Variants in LRP1B observed in about 807,000 individuals in gnomAD.
LRP1B encodes the protein LDL receptor related protein 1B.
In LRP1B, 217 loss-of-function variants were observed where a neutral mutation model predicts 556.6. The ratio of observed to expected loss-of-function variants is 0.39; its 90% confidence interval spans 0.35 to 0.44. The LOEUF is 0.44. LRP1B is among the 20% of genes least tolerant of loss of function. LRP1B has a pLI of 1.00. For synonymous variants in LRP1B, 2,047 were observed against 1,865.8 expected (o/e 1.10, Z -2.50); for missense variants, 5,053 against 5,620.8 (o/e 0.90, Z 3.23).
chr2:141,519,359 TGATATATATATATA>T (rs1231833984), intron 2 of LRP1B, among the ~76,000 whole-genome samples: 1 of 57,302 alleles, frequency 1.7e-5, no homozygotes, highest in Admixed American at 2.8e-4. Flanking sequence ...CTTAAGTCAA[TGATATATATATATA>T]TATATATATA....
rs1005838909 is a variant in LRP1B at position 140,360,678 on chromosome 2, G to C, written c.11132-1732C>G. Among the ~76,000 whole-genome samples, 4 of 151,534 alleles carry C rather than the reference G, an allele frequency of 2.6e-5. No individual in the cohort carries two copies. In the East Asian group the frequency reaches 7.8e-4, roughly 30 times the overall value. Reference sequence around the variant, plus strand: ...TCAGATGACTTCAATATTCACATGAGGAAACCAACCAGTGAGGCTTCTTAG... The same window carrying C: ...TCAGATGACTTCAATATTCACATGACGAAACCAACCAGTGAGGCTTCTTAG... On this transcript the variant is annotated intron_variant, in intron 72 of 90. Coordinates refer to ENST00000389484, the MANE Select transcript of LRP1B (RefSeq NM_018557.3).
intron 7 of LRP1B, among the ~76,000 whole-genome samples, chr2:141,153,441 A>G (rs1175753236): frequency 8.2e-6 from 1 of 122,376 alleles, no homozygotes; most frequent in African/African-American, 3.1e-5. Flanking sequence ...ATAATATATT[A>G]TATATTAGCT....
intron 6 of LRP1B, among the ~76,000 whole-genome samples, chr2:141,189,837 G>T (rs1457337819): frequency 6.6e-6 from 1 of 151,882 alleles, no homozygotes; most frequent in African/African-American, 2.4e-5. Flanking sequence ...AATATATGCC[G>T]CTTTGAACTT....
intron 43 of LRP1B, among the ~76,000 whole-genome samples, chr2:140,558,513 T>C (rs1430889129): frequency 1.3e-5 from 2 of 152,252 alleles, no homozygotes; most frequent in East Asian, 1.9e-4. Context: ...ACATATTATA[T>C]GATTTAATTT....
intron 27 of LRP1B, among the ~76,000 whole-genome samples, chr2:140,858,197 G>T (rs1397048517): frequency 6.6e-6 from 1 of 152,028 alleles, no homozygotes; most frequent in East Asian, 1.9e-4. Flanking sequence ...GAACTATCTA[G>T]CCCACAACTA....
chr2:142,036,966 T>C (rs1010022043), intron 1 of LRP1B, among the ~76,000 whole-genome samples: 3 of 151,842 alleles, frequency 2.0e-5, no homozygotes, highest in Admixed American at 6.6e-5. Flanking sequence ...GATGCATTGA[T>C]ACCCAGGAAC....
chr2:140,658,974 G>A (rs1392527352), intron 41 of LRP1B, among the ~76,000 whole-genome samples: 3 of 151,802 alleles, frequency 2.0e-5, no homozygotes, highest in Non-Finnish European at 2.9e-5. Flanking sequence ...GGCTATGTAT[G>A]AGTTGTAAAT....
At chr2:140,987,430 G>A (rs1375892195) in intron 17 of LRP1B, among the ~76,000 whole-genome samples, 1 of 152,124 alleles carries the variant, frequency 6.6e-6, no homozygotes, top group East Asian at 1.9e-4. Context: ...AATTATTTTT[G>A]CACCAACTAA....
chr2:140,624,677 A>C (rs1314999165), intron 41 of LRP1B, among the ~76,000 whole-genome samples: 1 of 152,020 alleles, frequency 6.6e-6, no homozygotes, highest in Non-Finnish European at 1.5e-5. Flanking sequence ...ACAGCATAAG[A>C]CCCTGTTGTT....
At chr2:141,314,848 A>G (rs1446266590) in intron 3 of LRP1B, among the ~76,000 whole-genome samples, 3 of 126,950 alleles carry the variant, frequency 2.4e-5, no homozygotes, top group South Asian at 2.6e-4. Flanking sequence ...ATATATACAC[A>G]TATATATACA....
intron 1 of LRP1B, among the ~76,000 whole-genome samples, chr2:141,912,352 T>G (rs1699926154): frequency 6.6e-6 from 1 of 152,180 alleles, no homozygotes; most frequent in African/African-American, 2.4e-5. Flanking sequence ...ATTTTATATA[T>G]TTGGTCAGTA....
chr2:140,612,319 T>C (rs1318772360), intron 41 of LRP1B, among the ~76,000 whole-genome samples: 1 of 152,162 alleles, frequency 6.6e-6, no homozygotes, highest in East Asian at 1.9e-4. Context: ...TCTTACTCTC[T>C]AATGGTAATC....
At position 140,495,889 on chromosome 2, in the gene LRP1B, G is replaced by A. The variant is rs981289786; in HGVS notation, c.8851-141C>T. 21 of 622,910 alleles carry A rather than the reference G, an allele frequency of 3.4e-5. No individual in the cohort carries two copies. The Admixed American group carries it at 5.3e-4, about 16-fold the overall frequency. The allele number at this position is 622,910 out of a possible 1,614,324, so 38.6% of individuals were successfully genotyped here. On this transcript the variant is annotated intron_variant, in intron 55 of 90. Coordinates refer to ENST00000389484, the MANE Select transcript of LRP1B (RefSeq NM_018557.3). ...TTCTGTCTCCCAGCATTTGACCTTT[G>A]ATGGGAATTATGTATATTATGTAAA...
chr2:140,274,209 A>G (rs1240603151), intron 85 of LRP1B, among the ~76,000 whole-genome samples: 3 of 151,960 alleles, frequency 2.0e-5, no homozygotes, highest in Non-Finnish European at 4.4e-5. Context: ...TACATAATGG[A>G]TTTTCATAAT....
rs202156955 is a variant in LRP1B, at chr2:140,261,912, TAAGG to T, written c.13247+8326_13247+8329del. Among the ~76,000 whole-genome samples, 557 of 152,090 alleles carry T rather than the reference TAAGG, an allele frequency of 3.7e-3. 3 individuals carry two copies. Among genetic ancestry groups the T allele is most frequent in the South Asian group, 0.017 (83 of 4,828 alleles). On this transcript the variant is annotated intron_variant, in intron 86 of 90. Coordinates refer to ENST00000389484, the MANE Select transcript of LRP1B (RefSeq NM_018557.3). ...GTCTGTGGTCTCATAAATAATAAAA[TAAGG>T]AAGGTGAATTTAATACTGGATTTGA... is the stretch of plus-strand genomic sequence containing the variant.
intron 7 of LRP1B, among the ~76,000 whole-genome samples, chr2:141,064,360 G>T (rs1435980508): frequency 2.6e-5 from 4 of 151,822 alleles, no homozygotes; most frequent in Non-Finnish European, 4.4e-5. Flanking sequence ...GATGATGAAG[G>T]TTTCAGAAAA....
At chr2:141,367,735 G>C (rs1311119257) in intron 3 of LRP1B, among the ~76,000 whole-genome samples, 1 of 151,834 alleles carries the variant, frequency 6.6e-6, no homozygotes. Context: ...ACCCGCCTCA[G>C]CCTCCCAAAG....
intron 82 of LRP1B, among the ~76,000 whole-genome samples, chr2:140,319,075 A>G (rs914161839): frequency 6.6e-6 from 1 of 152,114 alleles, no homozygotes; most frequent in Non-Finnish European, 1.5e-5. Flanking sequence ...GCTTCATCTC[A>G]GCCCTGTACT....
At chr2:141,330,551 T>C (rs1207693237) in intron 3 of LRP1B, among the ~76,000 whole-genome samples, 1 of 152,184 alleles carries the variant, frequency 6.6e-6, no homozygotes, top group Admixed American at 6.5e-5. Flanking sequence ...CAATATCTTG[T>C]TCTTTTCCTA....
Sources: allele counts gnomAD v4.1 joint callset (sites outside exome capture counted in the v4.1 genomes callset), GRCh38; gene constraint gnomAD v4.1.1; transcripts MANE v1.5; gene names NCBI Gene and HGNC (gene_info 2026-07-23, HGNC 2026-07-21).